Variants in KLHL40 observed in about 807,000 individuals in gnomAD.
The protein encoded by KLHL40 is kelch-like protein 40.
Under a neutral mutation model 49.7 loss-of-function variants are expected in KLHL40, and 44 were observed. That is an observed-to-expected ratio of 0.89 (90% CI 0.70 to 1.14). The LOEUF is 1.14. Ranked by LOEUF, KLHL40 falls within the 50% of genes most tolerant of loss-of-function variation. KLHL40 has a pLI of 0.00. For synonymous variants in KLHL40, 409 were observed against 365.2 expected (o/e 1.12, Z -1.37); for missense variants, 892 against 850.3 (o/e 1.05, Z -0.61).
Position 42,688,029 on chromosome 3 carries a change from G to A in KLHL40, c.1153-113G>A, listed in dbSNP as rs2125845249. 1.6e-6 allele frequency: 2 copies of A among 1,235,848 alleles called. No individual in the cohort carries two copies. The highest frequency in any genetic ancestry group is 2.3e-6 in the Non-Finnish European group (2 of 868,588). 76.6% of individuals were successfully genotyped at this position (1,235,848 alleles called of 1,614,324 possible). A position where few individuals can be genotyped will look rare whatever the true frequency, so the allele number is the denominator to read the frequency against. The stretch of plus-strand genomic sequence containing the variant: ...TCTCAGGGCACCTCCAGGCTGTATT[G>A]GCCCTACCTGGGTTCCCGACCTCCT... On this transcript the variant is annotated intron_variant, in intron 1 of 5. Coordinates refer to ENST00000287777, the MANE Select transcript of KLHL40 (RefSeq NM_152393.4). This position sits in a 1 kb window ranked among gnomAD's most constrained non-coding sequence, Gnocchi z 4.2.
chr3:42,687,107 G>A (rs1381737981), intron 1 of KLHL40, among the ~76,000 whole-genome samples: 1 of 152,232 alleles, frequency 6.6e-6, no homozygotes, highest in Non-Finnish European at 1.5e-5. Flanking sequence ...GGGCCTCTGC[G>A]TGAAGGCCAG....
chr3:42,691,728 T>TG (rs946465480), intron 5 of KLHL40, among the ~76,000 whole-genome samples, 154 bp from the exon 6 acceptor site: 11 of 151,758 alleles, frequency 7.2e-5, no homozygotes, highest in African/African-American at 2.4e-4. Flanking sequence ...GTGGGTCTTG[T>TG]GGGGGGTCTC....
Position 42,686,631 on chromosome 3 carries a change from G to A in KLHL40, c.1013G>A (p.Cys338Tyr). 6.2e-7 allele frequency: 1 copy of A among 1,614,058 alleles called. No individual in the cohort carries two copies. The highest frequency in any genetic ancestry group is 8.5e-7 in the Non-Finnish European group (1 of 1,180,042). Residue 338 changes from cysteine (C) to tyrosine (Y), a missense_variant, in exon 1 of 6, where the codon TGC becomes TAC. Physicochemically the swap from Cys to Tyr is radical, Grantham distance 194 (BLOSUM62 -2). Coordinates refer to ENST00000287777, the MANE Select transcript of KLHL40 (RefSeq NM_152393.4). Reference protein sequence around the residue: ...AVAYDPAANECYCASLSNQVP... With the variant: ...AVAYDPAANEYYCASLSNQVP... ...GCCTACGATCCAGCAGCCAACGAGTGCTACTGTGCTTCCCTCTCCAACCAG... is the reference window on the plus strand; with the variant it reads ...GCCTACGATCCAGCAGCCAACGAGTACTACTGTGCTTCCCTCTCCAACCAG...
At position 42,690,930 on chromosome 3, in the gene KLHL40, A is replaced by G. The variant is rs1403901292; in HGVS notation, c.1679A>G (p.Tyr560Cys). 1.9e-6 allele frequency: 3 copies of G among 1,613,688 alleles called. No individual in the cohort carries two copies. Among genetic ancestry groups the G allele is most frequent in the Non-Finnish European group, 2.5e-6 (3 of 1,179,788 alleles). Residue 560 changes from tyrosine (Y) to cysteine (C), a missense_variant, in exon 5 of 6, where the codon TAT becomes TGT. Coordinates refer to ENST00000287777, the MANE Select transcript of KLHL40 (RefSeq NM_152393.4). ...CTGGTCAGCCTGGTGGGTACCCTCTATGCCATTGGTGGCTTTGCCACACTG... is the reference window on the plus strand; with the variant it reads ...CTGGTCAGCCTGGTGGGTACCCTCTGTGCCATTGGTGGCTTTGCCACACTG... The part of the protein sequence containing the change: ...LSLVSLVGTL[Y>C]AIGGFATLET...
rs370755180 is a variant in KLHL40 at position 42,688,209 on chromosome 3, T to C, written c.1220T>C (p.Leu407Pro). ...CCCTCGCCCCGCTGCCTCTTTGGCCTGGGAGAAGCTCTCAACTCCATCTAC... is the reference window on the plus strand; with the variant it reads ...CCCTCGCCCCGCTGCCTCTTTGGCCCGGGAGAAGCTCTCAACTCCATCTAC... The part of the protein sequence containing the change: ...PLPSPRCLFG[L>P]GEALNSIYVV... The change falls in exon 2 of 6, where the codon CTG (leucine) becomes CCG (proline). Residue 407 changes from leucine (L) to proline (P), a missense_variant. Transcript: ENST00000287777. The surrounding 1 kb of genome is among the most constrained non-coding windows in gnomAD (Gnocchi z 4.2). The C allele has an allele frequency of 1.2e-6, 2 of 1,613,754 alleles. No homozygotes were observed. Among genetic ancestry groups the C allele is most frequent in the African/African-American group, 2.7e-5 (2 of 74,846 alleles).
chr3:42,688,786 C>G lies in KLHL40; in HGVS notation c.1421+69C>G. 6.3e-7 allele frequency: 1 copy of G among 1,585,304 alleles called. No individual in the cohort carries two copies. Among genetic ancestry groups the G allele is most frequent in the Non-Finnish European group, 8.7e-7 (1 of 1,154,176 alleles). ...CTCCCAGAGGCTGTCAGGGGTTTGT[C>G]CTGGCTGCCCCGGCAGGTGATTGCA... is the stretch of plus-strand genomic sequence containing the variant. On this transcript the variant is annotated intron_variant, in intron 3 of 5. Coordinates refer to ENST00000287777, the MANE Select transcript of KLHL40 (RefSeq NM_152393.4). The surrounding 1 kb of genome is among the most constrained non-coding windows in gnomAD (Gnocchi z 4.2).
chr3:42,688,963 A>C lies in KLHL40; in HGVS notation c.1516A>C (p.Thr506Pro), dbSNP rs778022582. The change falls in exon 4 of 6, where the codon ACT becomes CCT. Residue 506 changes from threonine to proline, a missense_variant. Coordinates refer to ENST00000287777, the MANE Select transcript of KLHL40 (RefSeq NM_152393.4). The surrounding 1 kb of genome is among the most constrained non-coding windows in gnomAD (Gnocchi z 4.2). ...MQTARSLFGATVHDGRIIVAA... is the reference protein window; with the variant it reads ...MQTARSLFGAPVHDGRIIVAA... ...GACCGCCCGCTCACTCTTTGGGGCC[A>C]CTGTCCATGATGGCCGCATTATCGT... 30 of 1,614,086 alleles carry C rather than the reference A, an allele frequency of 1.9e-5. No individual in the cohort carries two copies. The East Asian group carries it at 6.2e-4, about 34-fold the overall frequency.
Position 42,686,266 on chromosome 3 carries a change from G to A in KLHL40, c.648G>A (p.Ala216=). Residue 216 remains alanine, a synonymous_variant, in exon 1 of 6, where the codon GCG becomes GCA. Coordinates refer to ENST00000287777, the MANE Select transcript of KLHL40 (RefSeq NM_152393.4). ...DAEAQAERQR[A]LPTVFESVRC... Reference sequence around the variant, plus strand: ...AGGCGCAGGCTGAGCGCCAGCGCGCGCTGCCCACCGTCTTCGAGAGCGTGC... The same window carrying A: ...AGGCGCAGGCTGAGCGCCAGCGCGCACTGCCCACCGTCTTCGAGAGCGTGC... The A allele has an allele frequency of 1.3e-6, 2 of 1,557,172 alleles. No homozygotes were observed. The highest frequency in any genetic ancestry group is 1.7e-6 in the Non-Finnish European group (2 of 1,151,774).
chr3:42,688,363 C>G lies in KLHL40; in HGVS notation c.1313+61C>G. 1 of 1,456,896 alleles carries G rather than the reference C, an allele frequency of 6.9e-7. No individual in the cohort carries two copies. Among genetic ancestry groups the G allele is most frequent in the Non-Finnish European group, 9.3e-7 (1 of 1,071,336 alleles). 90.2% of individuals were successfully genotyped at this position (1,456,896 alleles called of 1,614,324 possible). A position where few individuals can be genotyped will look rare whatever the true frequency, so the allele number is the denominator to read the frequency against. ...GGTGAGTGGGGCATGGAGGCCGCAG[C>G]TGGTCTAGGGCCTGGGGTGGGATTT... On this transcript the variant is annotated intron_variant, in intron 2 of 5. Transcript: ENST00000287777. This position sits in a 1 kb window ranked among gnomAD's most constrained non-coding sequence, Gnocchi z 4.2.
At chr3:42,686,848 C>A in intron 1 of KLHL40, 78 bp downstream of exon 1, 1 of 1,278,244 alleles carries the variant, frequency 7.8e-7, no homozygotes. Context: ...CCAGAAGGGG[C>A]TTGTGTCTAC....
rs977284501 is a variant in KLHL40, at chr3:42,690,727, G to T, written c.1608-132G>T. On this transcript the variant is annotated intron_variant, in intron 4 of 5. Coordinates refer to ENST00000287777, the MANE Select transcript of KLHL40 (RefSeq NM_152393.4). ...GACCAGAGGGACAGGGAAGGGGAAT[G>T]GGGTTGGGGGCATGGGTGCCTGGGA... 3.6e-6 allele frequency: 3 copies of T among 842,362 alleles called. No homozygotes were observed. The East Asian group carries it at 7.9e-5, about 22-fold the overall frequency. The allele number at this position is 842,362 out of a possible 1,614,324, so 52.2% of individuals were successfully genotyped here.
rs1697329152 is a variant in KLHL40 at position 42,689,593 on chromosome 3, AG to A, written c.1607+542del. On this transcript the variant is annotated intron_variant, in intron 4 of 5. Transcript: ENST00000287777. ...GGGCTGGAGCGGGGGCCAGCAGGAG[AG>A]GGACTGTATCTCATCTGTGTTCTAC... is the stretch of plus-strand genomic sequence containing the variant. Among the ~76,000 whole-genome samples, 3 of 151,996 alleles carry A rather than the reference AG, an allele frequency of 2.0e-5. No individual in the cohort carries two copies. In the South Asian group the frequency reaches 6.2e-4, roughly 32 times the overall value.
chr3:42,688,848 T>C lies in KLHL40; in HGVS notation c.1422-21T>C, dbSNP rs1421310329. 1 of 1,610,208 alleles carries C rather than the reference T, an allele frequency of 6.2e-7. No individual in the cohort carries two copies. The highest frequency in any genetic ancestry group is 2.2e-5 in the East Asian group (1 of 44,794). ...CTGGGCTCCTGCTTCTCTCCACCCA[T>C]CCCCACCCTCCACCCCACAGGAAGT... On this transcript the variant is annotated intron_variant, in intron 3 of 5. Transcript: ENST00000287777. The surrounding 1 kb of genome is among the most constrained non-coding windows in gnomAD (Gnocchi z 4.2).
rs1575219794 is a variant in KLHL40, at chr3:42,688,048, A to T, written c.1153-94A>T. 6 of 1,508,982 alleles carry T rather than the reference A, an allele frequency of 4.0e-6. No individual in the cohort carries two copies. In the Admixed American group the frequency reaches 1.0e-4, roughly 26 times the overall value. 93.5% of individuals were successfully genotyped at this position (1,508,982 alleles called of 1,614,324 possible). A position where few individuals can be genotyped will look rare whatever the true frequency, so the allele number is the denominator to read the frequency against. ...TGTATTGGCCCTACCTGGGTTCCCG[A>T]CCTCCTCCGTGATCTGGGGCAGTGG... On this transcript the variant is annotated intron_variant, in intron 1 of 5. Transcript: ENST00000287777. This position sits in a 1 kb window ranked among gnomAD's most constrained non-coding sequence, Gnocchi z 4.2.
intron 5 of KLHL40, 39 bp downstream of exon 5, chr3:42,691,044 C>A: frequency 1.9e-6 from 3 of 1,568,844 alleles, no homozygotes; most frequent in East Asian, 2.3e-5. Flanking sequence ...GCATCATGAG[C>A]AAGGCTGACA....
At position 42,692,000 on chromosome 3, in the gene KLHL40, C is replaced by T. The variant is rs1190129490; in HGVS notation, c.*7C>T. On this transcript the variant is annotated 3_prime_UTR_variant, in exon 6 of 6. Transcript: ENST00000287777. ...GTGCCTGACTAAGATGTGACCAGCT[C>T]AGGCAGACTGAACTAAGCACCCCTC... is the stretch of plus-strand genomic sequence containing the variant. The T allele has an allele frequency of 1.2e-5, 18 of 1,545,782 alleles. No homozygotes were observed. Among genetic ancestry groups the T allele is most frequent in the Non-Finnish European group, 1.5e-5 (17 of 1,117,986 alleles).
At chr3:42,690,748 TG>T in intron 4 of KLHL40, 110 bp from the exon 5 acceptor site, 1 of 1,207,968 alleles carries the variant, frequency 8.3e-7, no homozygotes, top group Non-Finnish European at 1.2e-6. Context: ...CATGGGTGCC[TG>T]GGACTTGGAT....
rs1697274821 is a variant in KLHL40 at position 42,686,407 on chromosome 3, C to G, written c.789C>G (p.Gly263=). 1 of 1,613,552 alleles carries G rather than the reference C, an allele frequency of 6.2e-7. No individual in the cohort carries two copies. Among genetic ancestry groups the G allele is most frequent in the South Asian group, 1.1e-5 (1 of 91,088 alleles). Reference sequence around the variant, plus strand: ...AGATGGTGAAGGATGCACACGAGGGCCGCATCACCACGCTGCGGAAGAAAA... The same window carrying G: ...AGATGGTGAAGGATGCACACGAGGGGCGCATCACCACGCTGCGGAAGAAAA... ...KVQMVKDAHE[G]RITTLRKKKK... is the part of the protein sequence containing the mutation. The change falls in exon 1 of 6, where the codon GGC becomes GGG. Residue 263 remains glycine, a synonymous_variant. Transcript: ENST00000287777.
At position 42,688,930 on chromosome 3, in the gene KLHL40, C is replaced by T; in HGVS notation, c.1483C>T (p.Pro495Ser). ...GAAGTTTGAGTGGAAGGAGCTGGCACCCATGCAGACCGCCCGCTCACTCTT... is the reference window on the plus strand; with the variant it reads ...GAAGTTTGAGTGGAAGGAGCTGGCATCCATGCAGACCGCCCGCTCACTCTT... ...PKKFEWKELA[P>S]MQTARSLFGA... Residue 495 changes from proline (P) to serine (S), a missense_variant, in exon 4 of 6, where the codon CCC becomes TCC. Coordinates refer to ENST00000287777, the MANE Select transcript of KLHL40 (RefSeq NM_152393.4). This position sits in a 1 kb window ranked among gnomAD's most constrained non-coding sequence, Gnocchi z 4.2. 6.2e-7 allele frequency: 1 copy of T among 1,614,150 alleles called. No individual in the cohort carries two copies.
Sources: allele counts gnomAD v4.1 joint callset (sites outside exome capture counted in the v4.1 genomes callset), GRCh38; gene constraint gnomAD v4.1.1; non-coding constraint Gnocchi (gnomAD v3.1); transcripts MANE v1.5; gene names NCBI Gene and HGNC (gene_info 2026-07-23, HGNC 2026-07-21).